Variants in RNF214 observed in about 807,000 individuals in gnomAD.
RNF214 encodes ring finger protein 214.
Under a neutral mutation model 75.9 loss-of-function variants are expected in RNF214, and 25 were observed. The ratio of observed to expected loss-of-function variants is 0.33; its 90% CI spans 0.24 to 0.46. RNF214 has a LOEUF of 0.46. Ranked by LOEUF, RNF214 falls within the 20% of genes least tolerant of loss-of-function variation. The pLI is 1.00. For missense variants in RNF214, 725 were observed against 857.5 expected (o/e 0.85, Z 1.93); for synonymous variants, 314 against 308.8 (o/e 1.02, Z -0.18).
At chr11:117,248,290 A>G (rs1376643590) in intron 6 of RNF214, among the ~76,000 whole-genome samples, 1 of 152,104 alleles carries the variant, frequency 6.6e-6, no homozygotes, top group Non-Finnish European at 1.5e-5. Flanking sequence ...GTTAGCCAGG[A>G]TGGTCTCGAT....
intron 2 of RNF214, among the ~76,000 whole-genome samples, chr11:117,237,812 A>G (rs2032951699): frequency 1.3e-5 from 2 of 152,200 alleles, no homozygotes; most frequent in South Asian, 4.1e-4. Context: ...TGTACTTTAG[A>G]CAACTTAAAG....
intron 6 of RNF214, among the ~76,000 whole-genome samples, chr11:117,273,360 T>TTTA (rs57646164): frequency 0.44 from 65,808 of 150,796 alleles, 15,009 homozygotes; most frequent in East Asian, 0.67. Context: ...TCAAATTTGT[T>TTTA]TTATTATTAT....
At chr11:117,246,999 G>C in intron 6 of RNF214, 51 bp downstream of exon 6, 2 of 1,348,212 alleles carry the variant, frequency 1.5e-6, no homozygotes, top group Non-Finnish European at 2.0e-6. Context: ...TATGCATGAG[G>C]GGCCAGACCC....
At chr11:117,270,239 TTC>T (rs1565344103) in intron 6 of RNF214, among the ~76,000 whole-genome samples, 1 of 135,956 alleles carries the variant, frequency 7.4e-6, no homozygotes, top group African/African-American at 2.8e-5. Flanking sequence ...TTCTTTTCTT[TTC>T]TTTTTTTTTT....
chr11:117,244,496 C>G lies in RNF214; in HGVS notation c.730C>G (p.Leu244Val). The change falls in exon 5 of 15, where the codon CTG becomes GTG. Residue 244 changes from leucine (L) to valine (V), a missense_variant. Physicochemically the swap from Leu to Val is conservative, Grantham distance 32. Around this residue, in one of 2 missense-constraint regions of RNF214, gnomAD observed 362 missense variants for 344.5 expected, o/e 1.05. Coordinates refer to ENST00000300650, the MANE Select transcript of RNF214 (RefSeq NM_207343.4). ...GTTGAAAGAGCGTTACCAGGAGGTC[C>G]TGGACAAACAGAGGCAAGTGGAGAA... Reference protein sequence around the residue: ...TLLKERYQEVLDKQRQVENQL... With the variant: ...TLLKERYQEVVDKQRQVENQL... 6.2e-7 allele frequency: 1 copy of G among 1,613,224 alleles called. No homozygotes were observed. Among genetic ancestry groups the G allele is most frequent in the Non-Finnish European group, 8.5e-7 (1 of 1,179,426 alleles).
intron 6 of RNF214, among the ~76,000 whole-genome samples, chr11:117,271,724 C>G (rs77451506): frequency 0.031 from 4,764 of 152,272 alleles, 123 homozygotes; most frequent in South Asian, 0.082. Context: ...AGGAGTTGAT[C>G]AGTTCTCATT....
At position 117,282,107 on chromosome 11, in the gene RNF214, C is replaced by G. The variant is rs1257998070; in HGVS notation, c.1549C>G (p.Leu517Val). 2 of 1,614,090 alleles carry G rather than the reference C, an allele frequency of 1.2e-6. No homozygotes were observed. Among genetic ancestry groups the G allele is most frequent in the East Asian group, 2.2e-5 (1 of 44,870 alleles). ...CAGAAATAGCCCTGGCTTGGGTTCCCTTGTCAGCCCCCACGGTCCACACAT... is the reference window on the plus strand; with the variant it reads ...CAGAAATAGCCCTGGCTTGGGTTCCGTTGTCAGCCCCCACGGTCCACACAT... The part of the protein sequence containing the change: ...HGRNSPGLGS[L>V]VSPHGPHMPP... The change falls in exon 11 of 15, where the codon CTT becomes GTT. Residue 517 changes from leucine (L) to valine (V), a missense_variant. Transcript: ENST00000300650.
chr11:117,275,738 C>T (rs1446836693), intron 6 of RNF214, among the ~76,000 whole-genome samples: 1 of 152,158 alleles, frequency 6.6e-6, no homozygotes, highest in Non-Finnish European at 1.5e-5. Flanking sequence ...TTGATTGAAT[C>T]AGTAATTTAA....
intron 1 of RNF214, among the ~76,000 whole-genome samples, chr11:117,233,777 T>G (rs184192120): frequency 3.9e-4 from 60 of 152,354 alleles, no homozygotes; most frequent in African/African-American, 1.4e-3. Flanking sequence ...TGCCCAGTAT[T>G]GCATTACTTG....
At chr11:117,256,359 T>G (rs2033522134) in intron 6 of RNF214, among the ~76,000 whole-genome samples, 1 of 152,244 alleles carries the variant, frequency 6.6e-6, no homozygotes, top group Non-Finnish European at 1.5e-5. Context: ...ATTTTATTAT[T>G]TCTCACAATT....
rs1310979552 is a variant in RNF214 at position 117,282,019 on chromosome 11, A to T, written c.1461A>T (p.Pro487=). ...CAGATCCCCGCTCCTTGTCTTTCCCAATCCTGAACCCTGCCCTTTCCCAGC... is the reference window on the plus strand; with the variant it reads ...CAGATCCCCGCTCCTTGTCTTTCCCTATCCTGAACCCTGCCCTTTCCCAGC... The part of the protein sequence containing the change: ...PSADPRSLSF[P]ILNPALSQPS... The change falls in exon 11 of 15, where the codon CCA becomes CCT. Residue 487 remains proline (P), a synonymous_variant. Coordinates refer to ENST00000300650, the MANE Select transcript of RNF214 (RefSeq NM_207343.4). 1 of 1,613,488 alleles carries T rather than the reference A, an allele frequency of 6.2e-7. No homozygotes were observed. The highest frequency in any genetic ancestry group is 8.5e-7 in the Non-Finnish European group (1 of 1,179,928).
rs2134355556 is a variant in RNF214, at chr11:117,238,733, C to T, written c.240C>T (p.Asp80=). ...AGAATCCTGGTTCATCAGCAGGTGA[C>T]ACCTCAGCAGCGCACCAGGTGGTTT... is the stretch of plus-strand genomic sequence containing the variant. The part of the protein sequence containing the change: ...SEQNPGSSAG[D]TSAAHQVVLG... Residue 80 remains aspartate, a synonymous_variant, in exon 3 of 15, where the codon GAC becomes GAT. Transcript: ENST00000300650. 1 of 1,614,194 alleles carries T rather than the reference C, an allele frequency of 6.2e-7. No individual in the cohort carries two copies. Among genetic ancestry groups the T allele is most frequent in the East Asian group, 2.2e-5 (1 of 44,882 alleles).
chr11:117,266,861 T>TTA (rs1293820833), intron 6 of RNF214, among the ~76,000 whole-genome samples: 8 of 146,920 alleles, frequency 5.4e-5, no homozygotes, highest in African/African-American at 1.7e-4. Flanking sequence ...TTCTTTTTCT[T>TTA]TTTTTTTTTT....
chr11:117,278,878 C>T (rs1014169089), intron 6 of RNF214, among the ~76,000 whole-genome samples: 6 of 152,108 alleles, frequency 3.9e-5, no homozygotes, highest in Non-Finnish European at 8.8e-5. Flanking sequence ...ATCACTTGAT[C>T]CCAGGAGTTT....
intron 6 of RNF214, among the ~76,000 whole-genome samples, chr11:117,270,579 C>G (rs569247752): frequency 6.9e-6 from 1 of 145,970 alleles, no homozygotes; most frequent in East Asian, 2.2e-4. Flanking sequence ...CCCCCGGTAG[C>G]TGGGACTACA....
At position 117,239,123 on chromosome 11, in the gene RNF214, A is replaced by G. The variant is rs775384726; in HGVS notation, c.618+12A>G. ...ACATTGCTGTACAGGTCAAGTGTCA[A>G]GTTTCTACTACTAAAATGTAATTGG... is the stretch of plus-strand genomic sequence containing the variant. On this transcript the variant is annotated intron_variant, in intron 3 of 14. Coordinates refer to ENST00000300650, the MANE Select transcript of RNF214 (RefSeq NM_207343.4). 49 of 1,565,980 alleles carry G rather than the reference A, an allele frequency of 3.1e-5. No individual in the cohort carries two copies. The highest frequency in any genetic ancestry group is 3.4e-4 in the Middle Eastern group (2 of 5,860).
intron 3 of RNF214, 36 bp from the exon 4 acceptor site, chr11:117,239,765 C>T: frequency 1.7e-6 from 2 of 1,191,566 alleles, no homozygotes; most frequent in Non-Finnish European, 2.5e-6. Flanking sequence ...TAAAGTGTCT[C>T]TGAACGATTC....
chr11:117,277,769 C>T lies in RNF214; in HGVS notation c.960-2139C>T, dbSNP rs568864361. On this transcript the variant is annotated intron_variant, in intron 6 of 14. Coordinates refer to ENST00000300650, the MANE Select transcript of RNF214 (RefSeq NM_207343.4). The stretch of plus-strand genomic sequence containing the variant: ...GGTGGATCACCTGAGGTTAGGAGTT[C>T]GAGACCAGCCTGGCCAACATGGCAA... Among the ~76,000 whole-genome samples, 234 of 151,510 alleles carry T rather than the reference C, an allele frequency of 1.5e-3. 6 individuals carry two copies. The highest frequency in any genetic ancestry group is 4.0e-4 in the Non-Finnish European group (27 of 67,886).
chr11:117,278,598 AGAGTTG>A lies in RNF214; in HGVS notation c.960-1308_960-1303del, dbSNP rs1345646728. ...ATCCCTCAGTACTGGGCAAACCAGG[AGAGTTG>A]GTCACTGTCATGCTGAGTGGGGGGA... On this transcript the variant is annotated intron_variant, in intron 6 of 14. Coordinates refer to ENST00000300650, the MANE Select transcript of RNF214 (RefSeq NM_207343.4). Among the ~76,000 whole-genome samples the A allele has an allele frequency of 4.6e-5, 7 of 152,152 alleles. No homozygotes were observed. In the South Asian group the frequency reaches 8.3e-4, roughly 18 times the overall value.
Sources: gnomAD v4.1 joint callset for allele counts (sites outside exome capture counted in the v4.1 genomes callset) on GRCh38, gnomAD v4.1.1 for gene constraint, gnomAD v4.1.1 regional missense constraint, MANE v1.5 for transcripts, NCBI Gene and HGNC (gene_info 2026-07-23, HGNC 2026-07-21) for gene names.